The following UNC5D variants were observed in gnomAD, a reference collection of about 807,000 sequenced individuals.
UNC5D encodes the protein netrin receptor UNC5D.
Under a neutral mutation model 105.4 loss-of-function variants are expected in UNC5D, and 39 were observed. The ratio of observed to expected loss-of-function variants is 0.37; its 90% CI spans 0.29 to 0.48. UNC5D has a LOEUF of 0.48. UNC5D is among the 20% of genes least tolerant of loss of function. UNC5D has a pLI of 0.98. For synonymous variants in UNC5D, 452 were observed against 450.4 expected (o/e 1.00, Z -0.04); for missense variants, 991 against 1,202.4 (o/e 0.82, Z 2.60).
At chr8:35,378,258 C>A (rs981168059) in intron 1 of UNC5D, among the ~76,000 whole-genome samples, 2 of 152,132 alleles carry the variant, frequency 1.3e-5, no homozygotes, top group African/African-American at 4.8e-5. Context: ...TAAATGTTAT[C>A]TTCTGCTAAA....
intron 4 of UNC5D, among the ~76,000 whole-genome samples, chr8:35,660,135 C>T (rs945056738): frequency 5.9e-5 from 9 of 152,160 alleles, no homozygotes; most frequent in African/African-American, 1.9e-4. Context: ...ATGTCATTTA[C>T]GTCCTCTCCT....
intron 1 of UNC5D, among the ~76,000 whole-genome samples, chr8:35,487,952 G>C (rs1395681608): frequency 1.3e-5 from 2 of 152,152 alleles, no homozygotes; most frequent in African/African-American, 4.8e-5. Context: ...TATAAACTTA[G>C]ATATTTGTTT....
chr8:35,748,826 A>T (rs549891573), intron 12 of UNC5D, 131 bp downstream of exon 12: 1 of 1,012,652 alleles, frequency 9.9e-7, no homozygotes, highest in Admixed American at 2.8e-5. Flanking sequence ...AGTGTTTTAT[A>T]ATATCCTAAA....
chr8:35,732,604 TG>T (rs1419846854), intron 11 of UNC5D, among the ~76,000 whole-genome samples: 4 of 152,146 alleles, frequency 2.6e-5, no homozygotes, highest in Non-Finnish European at 4.4e-5. Context: ...TATCTGAATT[TG>T]TGGTTATGGC....
At chr8:35,766,525 G>A (rs1362674580) in intron 14 of UNC5D, among the ~76,000 whole-genome samples, 1 of 152,160 alleles carries the variant, frequency 6.6e-6, no homozygotes, top group Admixed American at 6.5e-5. Context: ...ACCCCAGACC[G>A]AAGTAGAAGC....
intron 1 of UNC5D, among the ~76,000 whole-genome samples, chr8:35,429,858 G>T (rs1806506305): frequency 6.6e-6 from 1 of 151,830 alleles, no homozygotes; most frequent in Admixed American, 6.6e-5. Context: ...GTTTTCATTT[G>T]CCCCAAAACC....
At position 35,427,147 on chromosome 8, in the gene UNC5D, C is replaced by T. The variant is rs1022992336; in HGVS notation, c.104-122145C>T. The stretch of plus-strand genomic sequence containing the variant: ...TATAATATGTAGAATTCAGGGTTCC[C>T]CCCAACTACCCCTTTGAATTATTCT... On this transcript the variant is annotated intron_variant, in intron 1 of 16. Transcript: ENST00000404895. Among the ~76,000 whole-genome samples, 23 of 152,166 alleles carry T rather than the reference C, an allele frequency of 1.5e-4. 1 individual carries two copies. Among genetic ancestry groups the T allele is most frequent in the African/African-American group, 5.3e-4 (22 of 41,446 alleles).
chr8:35,680,678 C>T (rs1825600315), intron 4 of UNC5D, among the ~76,000 whole-genome samples: 1 of 151,982 alleles, frequency 6.6e-6, no homozygotes, highest in Admixed American at 6.6e-5. Context: ...TTTAATTTTC[C>T]TCTGAGCCAA....
chr8:35,248,964 AT>A, intron 1 of UNC5D, among the ~76,000 whole-genome samples: 1 of 92,676 alleles, frequency 1.1e-5, no homozygotes, highest in African/African-American at 4.6e-5. Flanking sequence ...CATATATAAT[AT>A]ATATTATATA....
At chr8:35,775,229 A>G (rs1009762007) in intron 16 of UNC5D, among the ~76,000 whole-genome samples, 5 of 152,318 alleles carry the variant, frequency 3.3e-5, no homozygotes, top group Non-Finnish European at 5.9e-5. Context: ...CCTGAATAGG[A>G]AAAAAAGAAG....
rs540740419 is a variant in UNC5D at position 35,697,912 on chromosome 8, A to G, written c.1085-8017A>G. ...TTAATGAGTCAGGACTGATAGCCTCATATCAGTTAAGTATTTTCTTAGTCA... is the reference window on the plus strand; with the variant it reads ...TTAATGAGTCAGGACTGATAGCCTCGTATCAGTTAAGTATTTTCTTAGTCA... On this transcript the variant is annotated intron_variant, in intron 7 of 16. Coordinates refer to ENST00000404895, the MANE Select transcript of UNC5D (RefSeq NM_080872.4). Among the ~76,000 whole-genome samples the G allele has an allele frequency of 2.6e-5, 4 of 152,228 alleles. No individual in the cohort carries two copies. In the East Asian group the frequency reaches 5.8e-4, roughly 22 times the overall value.
intron 4 of UNC5D, among the ~76,000 whole-genome samples, chr8:35,600,094 T>C (rs1284164923): frequency 1.3e-5 from 2 of 152,166 alleles, no homozygotes. Context: ...AGAATGATGG[T>C]TTCCAGCTTC....
intron 15 of UNC5D, among the ~76,000 whole-genome samples, chr8:35,770,633 G>T (rs1456251283): frequency 6.6e-6 from 1 of 152,098 alleles, no homozygotes; most frequent in Non-Finnish European, 1.5e-5. Context: ...TTGCAGACTG[G>T]AATAAAACAA....
Position 35,793,013 on chromosome 8 carries a change from A to G in UNC5D, c.*2450A>G. 2.2e-6 allele frequency: 1 copy of G among 454,832 alleles called. No individual in the cohort carries two copies. Among genetic ancestry groups the G allele is most frequent in the Non-Finnish European group, 4.4e-6 (1 of 226,524 alleles). The allele number at this position is 454,832 out of a possible 1,614,324, so 28.2% of individuals were successfully genotyped here. ...GGGTTTTATAAACAACTTGAACATC[A>G]TATCATATAGGATAACAAAGGAGGA... On this transcript the variant is annotated 3_prime_UTR_variant, in exon 17 of 17. Transcript: ENST00000404895.
chr8:35,449,739 C>T (rs1389067053), intron 1 of UNC5D, among the ~76,000 whole-genome samples: 1 of 152,086 alleles, frequency 6.6e-6, no homozygotes, highest in East Asian at 1.9e-4. Context: ...CTCCAGCCTC[C>T]CATCTCTGGC....
chr8:35,725,836 A>C (rs1474497226), intron 9 of UNC5D, among the ~76,000 whole-genome samples: 2 of 152,216 alleles, frequency 1.3e-5, no homozygotes, highest in African/African-American at 4.8e-5. Context: ...AAATAATCAC[A>C]TAAACAATAA....
intron 1 of UNC5D, among the ~76,000 whole-genome samples, chr8:35,287,330 GA>G (rs1181994734): frequency 1.3e-5 from 2 of 152,128 alleles, no homozygotes; most frequent in Admixed American, 1.3e-4. Context: ...TCCTCTAAAA[GA>G]AGTTCAGGGA....
intron 1 of UNC5D, among the ~76,000 whole-genome samples, chr8:35,238,856 C>T (rs1471732381): frequency 3.3e-5 from 5 of 152,038 alleles, no homozygotes; most frequent in Non-Finnish European, 5.9e-5. Context: ...TACTTAAATC[C>T]GTCTATCTGT....
intron 1 of UNC5D, among the ~76,000 whole-genome samples, chr8:35,375,065 A>G (rs1030373101): frequency 1.3e-5 from 2 of 152,212 alleles, no homozygotes; most frequent in African/African-American, 4.8e-5. Flanking sequence ...TTATATCCAA[A>G]TTATTAAAGC....
Sources: allele counts gnomAD v4.1 joint callset (sites outside exome capture counted in the v4.1 genomes callset), GRCh38; gene constraint gnomAD v4.1.1; transcripts MANE v1.5; gene names NCBI Gene and HGNC (gene_info 2026-07-23, HGNC 2026-07-21).